The following FAHD1 variants were observed in gnomAD, a reference collection of about 807,000 sequenced individuals.
FAHD1 encodes FAH domain containing oxaloacetate decarboxylase 1, also known as oxaloacetate tautomerase FAHD1, mitochondrial.
FAHD1 carries 14 observed loss-of-function variants against 12.7 expected under a neutral mutation model. The ratio of observed to expected loss-of-function variants is 1.10; its 90% CI spans 0.73 to 1.72. The LOEUF (loss-of-function observed/expected upper bound fraction) is 1.72, where lower values mean the gene tolerates loss of function less well. FAHD1 is among the 40% of genes most tolerant of loss of function. The pLI is 0.00. For synonymous variants in FAHD1, 153 were observed against 124.9 expected (o/e 1.22, Z -1.50); for missense variants, 351 against 298.9 (o/e 1.17, Z -1.29).
At chr16:1,836,579 G>C (rs1233424965) in intron 1 of FAHD1, among the ~76,000 whole-genome samples, 1 of 147,806 alleles carries the variant, frequency 6.8e-6, no homozygotes, top group Non-Finnish European at 1.5e-5. Flanking sequence ...GTAGTGAAGA[G>C]GCCTCAAGCC....
At chr16:1,828,606 ATC>A in exon 1 of FAHD1, 1 of 998,282 alleles carries the variant, frequency 1.0e-6, no homozygotes, top group Non-Finnish European at 1.2e-6. Context: ...TTTGGTCATC[ATC>A]AGGAAGCATT....
exon 1 of FAHD1, chr16:1,828,838 C>G (rs547980121): frequency 1.0e-6 from 1 of 999,086 alleles, no homozygotes; most frequent in South Asian, 4.7e-5. Context: ...GGTATCTACC[C>G]AGACCCATCG....
At chr16:1,835,584 G>GA (rs1254679657) in intron 1 of FAHD1, among the ~76,000 whole-genome samples, 1 of 152,178 alleles carries the variant, frequency 6.6e-6, no homozygotes, top group East Asian at 1.9e-4. Flanking sequence ...CCTTTCAATG[G>GA]AATGTTGTGG....
chr16:1,831,236 T>A (rs999138179), downstream of FAHD1, among the ~76,000 whole-genome samples: 4 of 152,208 alleles, frequency 2.6e-5, no homozygotes, highest in African/African-American at 9.6e-5. Context: ...CAGGTACCCC[T>A]TTTTAATGGC....
intron 1 of FAHD1, among the ~76,000 whole-genome samples, chr16:1,834,746 A>G (rs577657829): frequency 1.1e-4 from 16 of 152,048 alleles, no homozygotes; most frequent in African/African-American, 3.9e-4. Flanking sequence ...CAGCCTGGCT[A>G]ACATGGTGAA....
intron 1 of FAHD1, among the ~76,000 whole-genome samples, chr16:1,835,503 G>C (rs1280869699): frequency 2.6e-5 from 4 of 151,940 alleles, no homozygotes; most frequent in African/African-American, 9.7e-5. Context: ...TCAAGACTGA[G>C]AGAAAAAAAA....
At chr16:1,839,277 G>A in exon 3 of FAHD1, 1 of 1,611,704 alleles carries the variant, frequency 6.2e-7, no homozygotes, top group Non-Finnish European at 8.5e-7. Flanking sequence ...AGTCTCCTCA[G>A]CAACACTTCC....
At chr16:1,829,853 T>C (rs1455354276), downstream of FAHD1, among the ~76,000 whole-genome samples, 2 of 148,804 alleles carry the variant, frequency 1.3e-5, no homozygotes, top group African/African-American at 2.5e-5. Context: ...ACAATTTTCT[T>C]TTTTTTCTTT....
At chr16:1,835,454 T>C (rs1012791603) in intron 1 of FAHD1, among the ~76,000 whole-genome samples, 5 of 152,144 alleles carry the variant, frequency 3.3e-5, no homozygotes, top group Admixed American at 2.6e-4. Flanking sequence ...CAACATTTTA[T>C]TTAATATAGA....
chr16:1,835,241 G>C (rs559102466), intron 1 of FAHD1, among the ~76,000 whole-genome samples: 8 of 150,802 alleles, frequency 5.3e-5, no homozygotes, highest in African/African-American at 2.0e-4. Context: ...GTGACAGAGC[G>C]AGCAGAGTGA....
exon 3 of FAHD1, chr16:1,840,008 C>G (rs1898858809): frequency 6.6e-6 from 1 of 152,224 alleles, no homozygotes; most frequent in Non-Finnish European, 1.5e-5. Flanking sequence ...ACACTCTCCT[C>G]TCTTTCAGTG....
At chr16:1,829,546 A>C (rs563792652), downstream of FAHD1, among the ~76,000 whole-genome samples, 1 of 152,330 alleles carries the variant, frequency 6.6e-6, no homozygotes, top group South Asian at 2.1e-4. Flanking sequence ...ACATAAGAAG[A>C]ATCAGACACT....
At chr16:1,827,640 G>A in exon 1 of FAHD1, 9 of 1,614,084 alleles carry the variant, frequency 5.6e-6, no homozygotes, top group Non-Finnish European at 7.6e-6. Flanking sequence ...TCGTGCCCAA[G>A]GAGAAGATCC....
chr16:1,827,370 G>A (rs1224694098), exon 1 of FAHD1: 2 of 1,612,688 alleles, frequency 1.2e-6, no homozygotes, highest in South Asian at 2.2e-5. Flanking sequence ...TGTTCCTGAA[G>A]CCGTCCACGG....
chr16:1,836,428 G>A (rs1898750479), intron 1 of FAHD1, among the ~76,000 whole-genome samples: 1 of 152,202 alleles, frequency 6.6e-6, no homozygotes, highest in Non-Finnish European at 1.5e-5. Context: ...AGCAAGTGGT[G>A]CCTCCTGTCT....
chr16:1,837,854 G>A, intron 1 of FAHD1: 1 of 1,529,772 alleles, frequency 6.5e-7, no homozygotes, highest in Non-Finnish European at 8.8e-7. Context: ...ATCTGTCATT[G>A]CAAGAAACTC....
chr16:1,834,350 C>T, intron 1 of FAHD1: 2 of 1,605,892 alleles, frequency 1.2e-6, no homozygotes, highest in Admixed American at 1.7e-5. Flanking sequence ...ACTCCTTGCT[C>T]TGTGTGATAG....
rs1014117744 is a variant in FAHD1 at position 1,828,502 on chromosome 16, C to G, written c.*598C>G. ...GAGAAGACTTTTCAGTGGGTTATCT[C>G]TAGGATGATCAGTAGTTCAGCACTT... On this transcript the variant is annotated 3_prime_UTR_variant, in exon 1 of 1. Coordinates refer to ENST00000427358, the Ensembl canonical transcript of FAHD1. The G allele has an allele frequency of 9.0e-6, 9 of 1,000,024 alleles. No individual in the cohort carries two copies. The African/African-American group carries it at 1.0e-4, about 12-fold the overall frequency. 61.9% of individuals were successfully genotyped at this position (1,000,024 alleles called of 1,614,324 possible). A position where few individuals can be genotyped will look rare whatever the true frequency, so the allele number is the denominator to read the frequency against.
intron 1 of FAHD1, chr16:1,837,597 T>C: frequency 4.9e-6 from 2 of 407,142 alleles, no homozygotes; most frequent in East Asian, 7.5e-5. Context: ...CTTTGGTAAC[T>C]CCTTTATACA....
Sources: allele counts gnomAD v4.1 joint callset (sites outside exome capture counted in the v4.1 genomes callset), GRCh38; gene constraint gnomAD v4.1.1; transcripts MANE v1.5; gene names NCBI Gene and HGNC (gene_info 2026-07-23, HGNC 2026-07-21).